Variants in NIPBL observed in about 807,000 individuals in gnomAD.
The protein encoded by NIPBL is nipped-B-like protein.
In NIPBL, 19 loss-of-function variants were observed where a neutral mutation model predicts 321.8. The ratio of observed to expected loss-of-function variants is 0.06; its 90% CI spans 0.04 to 0.09. NIPBL has a LOEUF of 0.09. NIPBL is among the 10% of genes least tolerant of loss of function. The pLI, the probability that NIPBL is intolerant of heterozygous loss-of-function variation, is 1.00. For missense variants in NIPBL, 2,210 were observed against 3,327.0 expected (o/e 0.66, Z 8.26); for synonymous variants, 1,106 against 1,114.1 (o/e 0.99, Z 0.14).
intron 34 of NIPBL, among the ~76,000 whole-genome samples, chr5:37,040,878 A>G (rs972341718): frequency 1.3e-5 from 2 of 152,192 alleles, no homozygotes; most frequent in African/African-American, 4.8e-5. Flanking sequence ...GGTGGTAAGG[A>G]ATAATTCATT....
At position 37,038,005 on chromosome 5, in the gene NIPBL, TTA is replaced by T. The variant is rs1491088021; in HGVS notation, c.5972-596_5972-595del. ...CTTCCTTTTTTTTTTTTTTTTTTTT[TTA>T]AAGACAGGGTCTCACTCTGTCACCC... On this transcript the variant is annotated intron_variant, in intron 33 of 46. Coordinates refer to ENST00000282516, the MANE Select transcript of NIPBL (RefSeq NM_133433.4). Among the ~76,000 whole-genome samples the T allele has an allele frequency of 6.9e-4, 100 of 145,094 alleles. 1 individual carries two copies. Among genetic ancestry groups the T allele is most frequent in the Admixed American group, 1.1e-3 (15 of 14,200 alleles).
intron 6 of NIPBL, among the ~76,000 whole-genome samples, chr5:36,970,259 T>C (rs35394109): frequency 0.11 from 16,097 of 151,780 alleles, 1,127 homozygotes; most frequent in Admixed American, 0.19. Flanking sequence ...GGTGGCAGTT[T>C]CCTGTAGTCC....
chr5:37,033,603 A>G (rs922426207), intron 32 of NIPBL, among the ~76,000 whole-genome samples: 1 of 150,146 alleles, frequency 6.7e-6, no homozygotes, highest in Non-Finnish European at 1.5e-5. Context: ...TCAACTCCAT[A>G]TAGATTAAAG....
chr5:37,041,003 G>A (rs1465378261), intron 34 of NIPBL, among the ~76,000 whole-genome samples: 2 of 150,606 alleles, frequency 1.3e-5, no homozygotes, highest in South Asian at 4.2e-4. Flanking sequence ...CATATCATTC[G>A]TTCATTTTAC....
intron 1 of NIPBL, among the ~76,000 whole-genome samples, chr5:36,939,010 T>C (rs1416358120): frequency 2.6e-5 from 4 of 152,102 alleles, no homozygotes; most frequent in Non-Finnish European, 4.4e-5. Context: ...GCGCTCTTGT[T>C]GTTTGTTTTT....
In NIPBL at chr5:37,014,693, A is replaced by G; in HGVS notation, c.4571A>G (p.Asp1524Gly). The G allele has an allele frequency of 6.2e-7, 1 of 1,602,102 alleles. No individual in the cohort carries two copies. The highest frequency in any genetic ancestry group is 8.6e-7 in the Non-Finnish European group (1 of 1,169,200). Residue 1524 changes from aspartate (D) to glycine (G), a missense_variant, in exon 22 of 47, where the codon GAT (aspartate) becomes GGT (glycine). Physicochemically the swap from Asp to Gly is moderately conservative, Grantham distance 94. Transcript: ENST00000282516. ...EEDSNKKIDQ[D>G]VVITNSYETA... The stretch of plus-strand genomic sequence containing the variant: ...TTTTTTTCATTCTAGATTGACCAGG[A>G]TGTTGTCATTACTAACTCTTATGAA...
intron 1 of NIPBL, among the ~76,000 whole-genome samples, chr5:36,882,917 G>A (rs158623): frequency 0.57 from 85,527 of 150,626 alleles, 26,256 homozygotes; most frequent in African/African-American, 0.82. Context: ...ACTTTACTTC[G>A]TGTATAGTAC....
intron 24 of NIPBL, among the ~76,000 whole-genome samples, chr5:37,018,643 T>C (rs758620761): frequency 5.9e-5 from 9 of 152,186 alleles, no homozygotes; most frequent in Admixed American, 3.9e-4. Flanking sequence ...CTTATTGCCA[T>C]GTATGGCTAT....
chr5:37,044,747 G>C lies in NIPBL; in HGVS notation c.6343+18G>C, dbSNP rs778560762. 2.5e-6 allele frequency: 4 copies of C among 1,570,516 alleles called. No individual in the cohort carries two copies. Among genetic ancestry groups the C allele is most frequent in the Non-Finnish European group, 3.5e-6 (4 of 1,140,508 alleles). On this transcript the variant is annotated intron_variant, in intron 36 of 46. Coordinates refer to ENST00000282516, the MANE Select transcript of NIPBL (RefSeq NM_133433.4). ...ATACTATGGTAAGTTCAATACCAGG[G>C]TTTTAAAATTATTCTGCTAGGTCCT...
intron 10 of NIPBL, among the ~76,000 whole-genome samples, chr5:36,986,813 C>T (rs2149647844): frequency 6.6e-6 from 1 of 151,874 alleles, no homozygotes; most frequent in East Asian, 1.9e-4. Context: ...ATCTTTTTGT[C>T]CTTGTTTATG....
At chr5:36,994,248 CTT>C (rs1745878534) in intron 10 of NIPBL, among the ~76,000 whole-genome samples, 1 of 152,046 alleles carries the variant, frequency 6.6e-6, no homozygotes, top group Non-Finnish European at 1.5e-5. Flanking sequence ...GCAATGAAGT[CTT>C]TGGGATATTA....
chr5:36,905,965 C>T (rs892286676), intron 1 of NIPBL, among the ~76,000 whole-genome samples: 5 of 152,034 alleles, frequency 3.3e-5, no homozygotes, highest in Non-Finnish European at 7.4e-5. Flanking sequence ...AGGATGGTCT[C>T]GATCTCCTGA....
intron 3 of NIPBL, among the ~76,000 whole-genome samples, chr5:36,956,150 G>A (rs573801997): frequency 1.3e-5 from 2 of 151,872 alleles, no homozygotes; most frequent in South Asian, 4.2e-4. Context: ...AGAATCACTT[G>A]AACCCGGGAG....
chr5:36,964,060 A>G (rs890134346), intron 6 of NIPBL, among the ~76,000 whole-genome samples: 3 of 152,282 alleles, frequency 2.0e-5, no homozygotes, highest in Non-Finnish European at 4.4e-5. Context: ...ATGTAGTTTG[A>G]GGACCTATTC....
At chr5:36,969,920 G>A (rs187548068) in intron 6 of NIPBL, among the ~76,000 whole-genome samples, 2 of 152,142 alleles carry the variant, frequency 1.3e-5, no homozygotes, top group African/African-American at 4.8e-5. Flanking sequence ...TCACTCCTAG[G>A]TATTGGCACC....
intron 1 of NIPBL, among the ~76,000 whole-genome samples, chr5:36,950,216 A>C (rs13190327): frequency 6.6e-6 from 1 of 152,002 alleles, no homozygotes; most frequent in African/African-American, 2.4e-5. Context: ...TTTATAATAG[A>C]TCTTTTAGAA....
At chr5:37,027,504 A>T in intron 32 of NIPBL, 92 bp downstream of exon 32, 1 of 922,342 alleles carries the variant, frequency 1.1e-6, no homozygotes. Context: ...TATGATTTAA[A>T]AGAACCTTTT....
At chr5:36,960,042 G>A (rs766346231) in intron 4 of NIPBL, among the ~76,000 whole-genome samples, 14 of 151,030 alleles carry the variant, frequency 9.3e-5, no homozygotes, top group Non-Finnish European at 1.9e-4. Flanking sequence ...GACCAGCCTG[G>A]GCAATGCAGA....
intron 1 of NIPBL, among the ~76,000 whole-genome samples, chr5:36,878,410 T>C (rs1745256308): frequency 6.6e-6 from 1 of 152,232 alleles, no homozygotes; most frequent in African/African-American, 2.4e-5. Context: ...GCGTTCATAA[T>C]GTAGGTTGGT....
Sources: allele counts gnomAD v4.1 joint callset (sites outside exome capture counted in the v4.1 genomes callset), GRCh38; gene constraint gnomAD v4.1.1; transcripts MANE v1.5; gene names NCBI Gene and HGNC (gene_info 2026-07-23, HGNC 2026-07-21).